Variants in SLC37A1 observed in about 807,000 individuals in gnomAD.
SLC37A1 encodes glucose-6-phosphate exchanger SLC37A1.
SLC37A1 carries 49 observed loss-of-function variants against 75.3 expected under a neutral mutation model. That is an observed-to-expected ratio of 0.65 (90% confidence interval 0.52 to 0.83). The LOEUF is 0.83. SLC37A1 is among the 40% of genes least tolerant of loss of function. SLC37A1 has a pLI of 0.00. For synonymous variants in SLC37A1, 268 were observed against 292.1 expected, an observed-to-expected ratio of 0.92 and a Z score of 0.84; for missense variants, 566 against 695.0, an observed-to-expected ratio of 0.81 and a Z score of 2.09.
Position 42,553,928 on chromosome 21 carries a change from G to T in SLC37A1, c.769-134G>T, listed in dbSNP as rs543558841. 66 of 603,608 alleles carry T rather than the reference G, an allele frequency of 1.1e-4. 2 individuals are homozygous for T. The South Asian group carries it at 1.6e-3, about 15-fold the overall frequency. 37.4% of individuals were successfully genotyped at this position (603,608 alleles called of 1,614,324 possible). The stretch of plus-strand genomic sequence containing the variant: ...GAGTGTTGAGATCAACCATTATTCT[G>T]TTTAAATCAGTTGTCTTATGTCCTC... On this transcript the variant is annotated intron_variant, in intron 9 of 19. Transcript: ENST00000352133.
chr21:42,562,009 CTG>C, intron 11 of SLC37A1, 67 bp from the exon 12 acceptor site: 2 of 1,278,330 alleles, frequency 1.6e-6, no homozygotes, highest in South Asian at 2.4e-5. Flanking sequence ...ATATTTAACT[CTG>C]TTGCATGTTT....
At chr21:42,516,139 C>A (rs2054517938) in intron 1 of SLC37A1, among the ~76,000 whole-genome samples, 1 of 152,216 alleles carries the variant, frequency 6.6e-6, no homozygotes. Flanking sequence ...CCAGGGGGGC[C>A]TGTAGAGAGT....
At chr21:42,564,054 C>T (rs1191370118) in intron 13 of SLC37A1, among the ~76,000 whole-genome samples, 177 bp downstream of exon 13, 1 of 152,066 alleles carries the variant, frequency 6.6e-6, no homozygotes, top group Non-Finnish European at 1.5e-5. Flanking sequence ...CCGTCCCTCC[C>T]CAGGGCCCTG....
At chr21:42,513,541 G>A (rs1393251665), upstream of SLC37A1, among the ~76,000 whole-genome samples, 1 of 151,918 alleles carries the variant, frequency 6.6e-6, no homozygotes, top group Admixed American at 6.5e-5. Context: ...AGAGCGCCAG[G>A]GGTGCAGAGG....
chr21:42,563,757 T>G (rs2055896593), intron 12 of SLC37A1, 58 bp from the exon 13 acceptor site: 3 of 1,543,992 alleles, frequency 1.9e-6, no homozygotes, highest in Admixed American at 1.7e-5. Flanking sequence ...CCATGGTGTG[T>G]CGCTGCGATG....
chr21:42,568,825 C>T (rs1045549283), intron 17 of SLC37A1, among the ~76,000 whole-genome samples: 3 of 152,200 alleles, frequency 2.0e-5, no homozygotes, highest in South Asian at 2.1e-4. Context: ...CCAGCATCGT[C>T]GAAGCTCTTG....
At chr21:42,561,866 C>A in intron 11 of SLC37A1, 1 of 515,148 alleles carries the variant, frequency 1.9e-6, no homozygotes, top group South Asian at 3.1e-5. Flanking sequence ...TCCCTGGTGC[C>A]CCTGCTCGGG....
intron 1 of SLC37A1, among the ~76,000 whole-genome samples, chr21:42,515,748 C>A (rs1229366608): frequency 6.6e-6 from 1 of 152,032 alleles, no homozygotes; most frequent in Non-Finnish European, 1.5e-5. Context: ...TGGGCTGTTT[C>A]CTAAGTTACT....
At chr21:42,578,467 C>T (rs890547741) in intron 18 of SLC37A1, among the ~76,000 whole-genome samples, 32 of 152,156 alleles carry the variant, frequency 2.1e-4, no homozygotes, top group African/African-American at 7.5e-4. Context: ...AATCATAGGC[C>T]TCTTCGGGCT....
At chr21:42,579,321 A>G (rs2056368552) in intron 18 of SLC37A1, among the ~76,000 whole-genome samples, 1 of 152,198 alleles carries the variant, frequency 6.6e-6, no homozygotes, top group Admixed American at 6.5e-5. Context: ...TCACCTGAGA[A>G]GCTCGCAGGT....
At position 42,554,080 on chromosome 21, in the gene SLC37A1, A is replaced by G. The variant is rs1452326830; in HGVS notation, c.787A>G (p.Asn263Asp). 2 of 1,612,626 alleles carry G rather than the reference A, an allele frequency of 1.2e-6. No individual in the cohort carries two copies. Among genetic ancestry groups the G allele is most frequent in the Non-Finnish European group, 8.5e-7 (1 of 1,179,272 alleles). ...TLVTHSKGYE[N>D]GTNRLRLQKQ... ...TTACCAGCACTCAAAAGGCTATGAGAATGGTACAAACAGATTGAGACTCCA... is the reference window on the plus strand; with the variant it reads ...TTACCAGCACTCAAAAGGCTATGAGGATGGTACAAACAGATTGAGACTCCA... Residue 263 changes from asparagine to aspartate, a missense_variant, in exon 10 of 20, where the codon AAT becomes GAT. Physicochemically the swap from Asn to Asp is conservative, Grantham distance 23. Coordinates refer to ENST00000352133, the MANE Select transcript of SLC37A1 (RefSeq NM_001320537.2).
At position 42,579,583 on chromosome 21, in the gene SLC37A1, C is replaced by T. The variant is rs576322820; in HGVS notation, c.1522-153C>T. 3.9e-4 allele frequency among the ~76,000 whole-genome samples: 60 copies of T among 152,386 alleles called. 1 individual carries two copies. Among genetic ancestry groups the T allele is most frequent in the African/African-American group, 1.2e-3 (50 of 41,598 alleles). On this transcript the variant is annotated intron_variant, in intron 18 of 19. Coordinates refer to ENST00000352133, the MANE Select transcript of SLC37A1 (RefSeq NM_001320537.2). ...GGCCTCCGGCTGAGCATGCAAGCCC[C>T]GCTGCTCTTGCAGGGAGGCCACCCC... is the stretch of plus-strand genomic sequence containing the variant.
intron 16 of SLC37A1, among the ~76,000 whole-genome samples, 166 bp from the exon 17 acceptor site, chr21:42,568,194 G>A (rs894324982): frequency 3.3e-5 from 5 of 152,222 alleles, no homozygotes; most frequent in Non-Finnish European, 7.3e-5. Context: ...AAAAACCCTT[G>A]AAGTTTTAAC....
intron 18 of SLC37A1, 44 bp downstream of exon 18, chr21:42,574,959 C>T: frequency 1.9e-6 from 3 of 1,611,472 alleles, no homozygotes; most frequent in Non-Finnish European, 2.5e-6. Context: ...GAATGCAGAT[C>T]TCTGTGGTTG....
At chr21:42,535,755 G>T (rs1482234151) in intron 5 of SLC37A1, among the ~76,000 whole-genome samples, 2 of 152,222 alleles carry the variant, frequency 1.3e-5, no homozygotes, top group African/African-American at 4.8e-5. Context: ...GGACCTCGAG[G>T]CAGAGGATTT....
At chr21:42,556,270 C>T (rs1223001535) in intron 10 of SLC37A1, among the ~76,000 whole-genome samples, 10 of 152,218 alleles carry the variant, frequency 6.6e-5, no homozygotes, top group African/African-American at 1.4e-4. Context: ...TCCTCCTTGA[C>T]GTCTCTGAGG....
rs140378762 is a variant in SLC37A1, at chr21:42,547,107, G to A, written c.735G>A (p.Pro245=). 6.2e-4 allele frequency: 998 copies of A among 1,614,142 alleles called. No individual in the cohort carries two copies. The highest frequency in any genetic ancestry group is 1.6e-3 in the Admixed American group (94 of 60,030). The part of the protein sequence containing the change: ...IVCFLFLIEH[P]NDVRCSSTLV... ...CACTCATGTTTGCTCTTTCAGATCCGAACGACGTCAGGTGCTCCTCCACCC... is the reference window on the plus strand; with the variant it reads ...CACTCATGTTTGCTCTTTCAGATCCAAACGACGTCAGGTGCTCCTCCACCC... The change falls in exon 9 of 20, where the codon CCG becomes CCA. Residue 245 remains proline (P), a synonymous_variant. Transcript: ENST00000352133. This position sits in a 1 kb window ranked among gnomAD's most constrained non-coding sequence, Gnocchi z 6.1.
At chr21:42,567,976 A>G (rs769806607) in intron 16 of SLC37A1, among the ~76,000 whole-genome samples, 7 of 152,260 alleles carry the variant, frequency 4.6e-5, no homozygotes, top group Non-Finnish European at 1.0e-4. Context: ...CTGTCGAGGA[A>G]TCCAGCAGAC....
chr21:42,579,366 G>GTCTT (rs1189047537), intron 18 of SLC37A1, among the ~76,000 whole-genome samples: 9 of 152,324 alleles, frequency 5.9e-5, no homozygotes, highest in African/African-American at 1.9e-4. Context: ...TGGTCCTCTT[G>GTCTT]TCTTTATTTC....
Sources: allele counts gnomAD v4.1 joint callset (sites outside exome capture counted in the v4.1 genomes callset), GRCh38; gene constraint gnomAD v4.1.1; non-coding constraint Gnocchi (gnomAD v3.1); transcripts MANE v1.5; gene names NCBI Gene and HGNC (gene_info 2026-07-23, HGNC 2026-07-21).